SNX29: variants seen among roughly 807,000 people sequenced by gnomAD.
SNX29 encodes the protein sorting nexin 29.
SNX29 carries 78 observed loss-of-function variants against 102.1 expected under a neutral mutation model. The observed-to-expected ratio is 0.76, with a 90% CI of 0.64 to 0.92. SNX29 has a LOEUF of 0.92. Ranked by LOEUF, SNX29 falls within the 40% of genes least tolerant of loss-of-function variation. The pLI is 0.00. For synonymous variants in SNX29, 580 were observed against 414.5 expected, an observed-to-expected ratio of 1.40 and a Z score of -4.85; for missense variants, 1,280 against 1,061.7, an observed-to-expected ratio of 1.21 and a Z score of -2.86.
At chr16:12,028,605 C>A (rs2057256147) in intron 4 of SNX29, among the ~76,000 whole-genome samples, 1 of 151,476 alleles carries the variant, frequency 6.6e-6, no homozygotes, top group Non-Finnish European at 1.5e-5. Context: ...CTCAAGTGAT[C>A]TTCCCACCTC....
intron 11 of SNX29, among the ~76,000 whole-genome samples, chr16:12,112,890 T>G (rs906805382): frequency 6.6e-6 from 1 of 152,216 alleles, no homozygotes. Context: ...ATATTTCCCC[T>G]GTATTCCACA....
intron 19 of SNX29, among the ~76,000 whole-genome samples, chr16:12,505,258 A>G (rs1338237702): frequency 6.6e-6 from 1 of 152,238 alleles, no homozygotes; most frequent in African/African-American, 2.4e-5. Flanking sequence ...AGAGAATATC[A>G]CAAACTGGGT....
At chr16:12,069,242 G>A (rs572616477) in intron 10 of SNX29, 110 bp downstream of exon 10, 9 of 872,788 alleles carry the variant, frequency 1.0e-5, no homozygotes, top group Admixed American at 5.1e-5. Flanking sequence ...TAAAGGGCAA[G>A]GGTTTACTTC....
chr16:12,334,449 A>G (rs150878297), intron 15 of SNX29, among the ~76,000 whole-genome samples: 2 of 152,252 alleles, frequency 1.3e-5, no homozygotes, highest in Non-Finnish European at 2.9e-5. Flanking sequence ...GCACCGTGCA[A>G]ACCACTTTGC....
At chr16:12,145,803 G>A (rs1179906574) in intron 13 of SNX29, among the ~76,000 whole-genome samples, 4 of 152,178 alleles carry the variant, frequency 2.6e-5, no homozygotes, top group Non-Finnish European at 5.9e-5. Context: ...GGAGTTCTGT[G>A]TTTGGATATG....
chr16:12,524,628 C>G, intron 19 of SNX29, 74 bp from the exon 20 acceptor site: 1 of 1,519,888 alleles, frequency 6.6e-7, no homozygotes, highest in Non-Finnish European at 8.9e-7. Flanking sequence ...GATGGGTGAT[C>G]GCCTGTTCTA....
chr16:12,409,082 A>G (rs2084288771), intron 18 of SNX29, among the ~76,000 whole-genome samples: 1 of 152,238 alleles, frequency 6.6e-6, no homozygotes, highest in East Asian at 1.9e-4. Flanking sequence ...TTTCAGGACA[A>G]AGTAATATCT....
intron 16 of SNX29, among the ~76,000 whole-genome samples, chr16:12,362,122 G>C (rs35186612): frequency 6.6e-6 from 1 of 152,202 alleles, no homozygotes; most frequent in African/African-American, 2.4e-5. Context: ...TAGAATTGTT[G>C]TTCATTTTAA....
chr16:12,401,848 G>A (rs1422564313), intron 17 of SNX29, among the ~76,000 whole-genome samples: 1 of 152,184 alleles, frequency 6.6e-6, no homozygotes, highest in African/African-American at 2.4e-5. Context: ...CTAACATCTA[G>A]GAGGGAGATG....
At chr16:12,156,083 T>C (rs899714965) in intron 13 of SNX29, among the ~76,000 whole-genome samples, 5 of 152,096 alleles carry the variant, frequency 3.3e-5, no homozygotes, top group Non-Finnish European at 5.9e-5. Flanking sequence ...CCCCCCCACA[T>C]CTCCTTGAAG....
chr16:12,539,959 G>C (rs2077251990), intron 20 of SNX29, among the ~76,000 whole-genome samples: 2 of 152,326 alleles, frequency 1.3e-5, no homozygotes, highest in South Asian at 2.1e-4. Context: ...TGTCGAACAT[G>C]TGAGTTGCAC....
At chr16:12,187,655 T>C (rs752094856) in intron 13 of SNX29, among the ~76,000 whole-genome samples, 1 of 152,114 alleles carries the variant, frequency 6.6e-6, no homozygotes, top group Non-Finnish European at 1.5e-5. Context: ...TCATAGTAGT[T>C]TCTCTTGCCT....
At chr16:12,542,584 A>G (rs1567680607) in intron 20 of SNX29, among the ~76,000 whole-genome samples, 1 of 152,152 alleles carries the variant, frequency 6.6e-6, no homozygotes, top group Non-Finnish European at 1.5e-5. Context: ...CACCCGCCTC[A>G]GCCTCCCAAA....
chr16:12,317,043 T>C (rs2080767703), intron 15 of SNX29, among the ~76,000 whole-genome samples: 1 of 152,240 alleles, frequency 6.6e-6, no homozygotes, highest in Admixed American at 6.5e-5. Flanking sequence ...ATTGTTCTTT[T>C]CCAGTTTGCC....
intron 18 of SNX29, among the ~76,000 whole-genome samples, chr16:12,440,657 C>G (rs1026605625): frequency 8.2e-6 from 1 of 122,152 alleles, no homozygotes; most frequent in African/African-American, 3.2e-5. Flanking sequence ...TGTTCTCATC[C>G]TTTAGCTCCC....
intron 15 of SNX29, among the ~76,000 whole-genome samples, chr16:12,329,276 C>CAA (rs55968518): frequency 0.071 from 6,324 of 88,810 alleles, 789 homozygotes; most frequent in African/African-American, 0.23. Flanking sequence ...GACCTTGTCT[C>CAA]AAAAAAAAAA....
chr16:12,398,695 C>T (rs936569471), intron 17 of SNX29, among the ~76,000 whole-genome samples, 194 bp downstream of exon 17: 2 of 151,776 alleles, frequency 1.3e-5, no homozygotes, highest in Non-Finnish European at 2.9e-5. Context: ...TTTTTCTCAC[C>T]CTTGGGTATT....
At chr16:12,167,573 C>T (rs2141717218) in intron 13 of SNX29, among the ~76,000 whole-genome samples, 1 of 152,244 alleles carries the variant, frequency 6.6e-6, no homozygotes, top group South Asian at 2.1e-4. Flanking sequence ...CCATTATCGC[C>T]ACCATTAAGT....
intron 19 of SNX29, among the ~76,000 whole-genome samples, chr16:12,522,342 C>G (rs12924666): frequency 6.6e-6 from 1 of 151,998 alleles, no homozygotes; most frequent in African/African-American, 2.4e-5. Flanking sequence ...AGGTGCCTCT[C>G]AAGAAAGACT....
Sources: gnomAD v4.1 joint callset for allele counts (sites outside exome capture counted in the v4.1 genomes callset) on GRCh38, gnomAD v4.1.1 for gene constraint, MANE v1.5 for transcripts, NCBI Gene and HGNC (gene_info 2026-07-23, HGNC 2026-07-21) for gene names.